Variants in TMEM131 observed in about 807,000 individuals in gnomAD.
The protein encoded by TMEM131 is 2610524E03Rik.
Under a neutral mutation model 211.6 loss-of-function variants are expected in TMEM131, and 66 were observed. The observed-to-expected ratio is 0.31, with a 90% CI of 0.26 to 0.38. The LOEUF is 0.38. Ranked by LOEUF, TMEM131 falls within the 10% of genes least tolerant of loss-of-function variation. TMEM131 has a pLI of 1.00. For synonymous variants in TMEM131, 844 were observed against 841.3 expected (o/e 1.00, Z -0.06); for missense variants, 2,036 against 2,299.3 (o/e 0.89, Z 2.34).
chr2:97,828,363 A>C (rs1309048080), intron 11 of TMEM131, among the ~76,000 whole-genome samples: 1 of 152,190 alleles, frequency 6.6e-6, no homozygotes, highest in Non-Finnish European at 1.5e-5. Flanking sequence ...AAAAAGTGTA[A>C]CATATATTAT....
chr2:97,982,025 T>C (rs572568128), intron 1 of TMEM131, among the ~76,000 whole-genome samples: 33 of 152,350 alleles, frequency 2.2e-4, no homozygotes, highest in African/African-American at 6.7e-4. Context: ...CAAGTTTTTG[T>C]GTTTTCGTTT....
rs373837310 is a variant in TMEM131 at position 97,767,503 on chromosome 2, G to A, written c.4449-901C>T. 7.9e-5 allele frequency among the ~76,000 whole-genome samples: 12 copies of A among 152,190 alleles called. No individual in the cohort carries two copies. The East Asian group carries it at 2.1e-3, about 27-fold the overall frequency. Reference sequence around the variant, plus strand: ...GGGACTGGGAGGACCTCCGGAAGGAGCTCAGCTAATGTGGTCCAAGAAGGA... The same window carrying A: ...GGGACTGGGAGGACCTCCGGAAGGAACTCAGCTAATGTGGTCCAAGAAGGA... On this transcript the variant is annotated intron_variant, in intron 33 of 40. Coordinates refer to ENST00000186436, the MANE Select transcript of TMEM131 (RefSeq NM_015348.2).
At chr2:97,831,339 G>C (rs1682675160) in intron 11 of TMEM131, among the ~76,000 whole-genome samples, 2 of 152,196 alleles carry the variant, frequency 1.3e-5, no homozygotes, top group South Asian at 4.1e-4. Flanking sequence ...TGAGCTTGAT[G>C]GGGTAGGGAA....
intron 4 of TMEM131, among the ~76,000 whole-genome samples, chr2:97,882,142 A>G (rs1287882110): frequency 6.6e-6 from 1 of 152,366 alleles, no homozygotes; most frequent in South Asian, 2.1e-4. Flanking sequence ...TTCTAGAGTC[A>G]GAAGTTCAAA....
intron 33 of TMEM131, among the ~76,000 whole-genome samples, chr2:97,771,302 T>TTA (rs1290124201): frequency 6.6e-6 from 1 of 152,218 alleles, no homozygotes; most frequent in East Asian, 1.9e-4. Flanking sequence ...TTTACTGCAG[T>TTA]TATCACTAAT....
intron 1 of TMEM131, among the ~76,000 whole-genome samples, chr2:97,954,480 C>G (rs780921157): frequency 5.3e-5 from 8 of 152,114 alleles, no homozygotes; most frequent in Non-Finnish European, 8.8e-5. Flanking sequence ...CTGCATATAC[C>G]CATAACCATT....
rs1437965286 is a variant in TMEM131, at chr2:97,799,853, G to A, written c.2718+2042C>T. Among the ~76,000 whole-genome samples, 10 of 152,000 alleles carry A rather than the reference G, an allele frequency of 6.6e-5. No homozygotes were observed. The East Asian group carries it at 9.6e-4, about 15-fold the overall frequency. On this transcript the variant is annotated intron_variant, in intron 25 of 40. Coordinates refer to ENST00000186436, the MANE Select transcript of TMEM131 (RefSeq NM_015348.2). ...AGGTTAGATTTTCATTACATACTTCGATCAAAACAATATATCAAGAGAGAC... is the reference window on the plus strand; with the variant it reads ...AGGTTAGATTTTCATTACATACTTCAATCAAAACAATATATCAAGAGAGAC...
rs185079304 is a variant in TMEM131 at position 97,957,339 on chromosome 2, T to C, written c.188-29852A>G. Among the ~76,000 whole-genome samples, 117 of 152,318 alleles carry C rather than the reference T, an allele frequency of 7.7e-4. No individual in the cohort carries two copies. The East Asian group carries it at 0.014, about 19-fold the overall frequency. ...ATTTTAGCATTACTATGAATTTTAG[T>C]TTATTATTTTTAAAATTTATTTAGT... On this transcript the variant is annotated intron_variant, in intron 1 of 40. Coordinates refer to ENST00000186436, the MANE Select transcript of TMEM131 (RefSeq NM_015348.2).
At position 97,757,165 on chromosome 2, in the gene TMEM131, C is replaced by A; in HGVS notation, c.5586G>T (p.Trp1862Cys). 6.2e-7 allele frequency: 1 copy of A among 1,613,740 alleles called. No homozygotes were observed. The highest frequency in any genetic ancestry group is 2.2e-5 in the East Asian group (1 of 44,872). The change falls in exon 41 of 41, where the codon TGG becomes TGT. Residue 1862 changes from tryptophan to cysteine, a missense_variant. By Grantham distance (215) the Trp-to-Cys change is radical. Around this residue, in one of 3 missense-constraint regions of TMEM131, gnomAD observed 1,623 missense variants for 1,805.9 expected, o/e 0.90. Coordinates refer to ENST00000186436, the MANE Select transcript of TMEM131 (RefSeq NM_015348.2). ...AGCTTCTTCTTCCAATCGTGGGGCT[C>A]CATATCCGCCACGGGTTGTAGGTCT... ...LGQTYNPWRI[W>C]SPTIGRRSSD...
intron 32 of TMEM131, among the ~76,000 whole-genome samples, chr2:97,774,390 T>C (rs1340304867): frequency 6.6e-6 from 1 of 152,248 alleles, no homozygotes; most frequent in Non-Finnish European, 1.5e-5. Context: ...AGTTGTGATT[T>C]AGCTGGGAAG....
intron 38 of TMEM131, 160 bp from the exon 39 acceptor site, chr2:97,759,909 C>T (rs1678728769): frequency 3.2e-6 from 2 of 623,274 alleles, no homozygotes; most frequent in African/African-American, 1.8e-5. Flanking sequence ...TGGCTGCTTA[C>T]CACAAGGGTT....
Position 97,766,466 on chromosome 2 carries a change from A to G in TMEM131, c.4573+12T>C. 5 of 1,614,000 alleles carry G rather than the reference A, an allele frequency of 3.1e-6. No homozygotes were observed. The highest frequency in any genetic ancestry group is 4.2e-6 in the Non-Finnish European group (5 of 1,179,890). The stretch of plus-strand genomic sequence containing the variant: ...CCGTAAGACATGATCATAGAGAACA[A>G]GATGACAATACCTTTTGTTTTCTGG... On this transcript the variant is annotated intron_variant, in intron 34 of 40. Coordinates refer to ENST00000186436, the MANE Select transcript of TMEM131 (RefSeq NM_015348.2).
In TMEM131 at chr2:97,895,565, A is replaced by T. The variant is rs1342933110; in HGVS notation, c.291-7445T>A. On this transcript the variant is annotated intron_variant, in intron 3 of 40. Transcript: ENST00000186436. ...TTCAGAACTTGTTATTGGTCTATTC[A>T]GGGATTCGACTCCTTCCTGATTTAG... 7.9e-5 allele frequency among the ~76,000 whole-genome samples: 12 copies of T among 152,178 alleles called. No individual in the cohort carries two copies. The East Asian group carries it at 2.1e-3, about 27-fold the overall frequency.
chr2:97,869,343 A>C lies in TMEM131; in HGVS notation c.360-9916T>G, dbSNP rs2105216100. 2.0e-5 allele frequency among the ~76,000 whole-genome samples: 3 copies of C among 152,326 alleles called. 1 individual carries two copies. The South Asian group carries it at 6.2e-4, about 32-fold the overall frequency. On this transcript the variant is annotated intron_variant, in intron 4 of 40. Transcript: ENST00000186436. ...TGTGGGGAAAAGAGACAAGTGTGGA[A>C]GTGCTAGGAGCCTGGAAGCAGGAGT...
At chr2:97,812,310 C>T (rs923244522) in intron 17 of TMEM131, 111 bp downstream of exon 17, 9 of 1,233,670 alleles carry the variant, frequency 7.3e-6, no homozygotes, top group South Asian at 1.8e-5. Context: ...GTAACCAACA[C>T]TATTATGAAC....
intron 11 of TMEM131, among the ~76,000 whole-genome samples, chr2:97,832,249 A>C (rs746198038): frequency 9.2e-5 from 14 of 152,212 alleles, no homozygotes; most frequent in Non-Finnish European, 1.5e-4. Context: ...CTAGTTCTTC[A>C]TTCACATTCT....
chr2:97,887,895 C>T (rs1345373798), intron 4 of TMEM131, 157 bp downstream of exon 4: 1 of 577,664 alleles, frequency 1.7e-6, no homozygotes, highest in Non-Finnish European at 3.1e-6. Context: ...TACTTACTTC[C>T]CATTTTCAAA....
chr2:97,942,739 G>C (rs1201592191), intron 1 of TMEM131, among the ~76,000 whole-genome samples: 3 of 151,984 alleles, frequency 2.0e-5, no homozygotes, highest in Non-Finnish European at 4.4e-5. Flanking sequence ...GAATAGCCTA[G>C]GGACAGGTGG....
intron 2 of TMEM131, among the ~76,000 whole-genome samples, chr2:97,923,220 C>T (rs1290136572): frequency 6.6e-6 from 1 of 152,132 alleles, no homozygotes; most frequent in African/African-American, 2.4e-5. Context: ...GCAGAGGCTG[C>T]AATGAGCTGA....
Sources: allele counts gnomAD v4.1 joint callset (sites outside exome capture counted in the v4.1 genomes callset), GRCh38; gene constraint gnomAD v4.1.1; regional missense constraint gnomAD v4.1.1; transcripts MANE v1.5; gene names NCBI Gene and HGNC (gene_info 2026-07-23, HGNC 2026-07-21).